The following FSTL5 variants were observed in gnomAD, a reference collection of about 807,000 sequenced individuals.
The protein encoded by FSTL5 is follistatin-related protein 5.
FSTL5 carries 62 observed loss-of-function variants against 89.1 expected under a neutral mutation model. That is an observed-to-expected ratio of 0.70 (90% CI 0.57 to 0.86). The LOEUF is 0.86. FSTL5 is among the 40% of genes least tolerant of loss of function. The pLI is 0.00. For synonymous variants in FSTL5, 383 were observed against 346.2 expected (o/e 1.11, Z -1.18); for missense variants, 1,057 against 1,001.6 (o/e 1.06, Z -0.75).
chr4:161,603,895 C>A (rs1221921852), intron 7 of FSTL5, among the ~76,000 whole-genome samples: 2 of 152,098 alleles, frequency 1.3e-5, no homozygotes, highest in Non-Finnish European at 1.5e-5. Context: ...CAGTACAATG[C>A]ATTTTTTACC....
At chr4:162,086,125 T>C (rs568847260) in intron 2 of FSTL5, among the ~76,000 whole-genome samples, 10 of 152,084 alleles carry the variant, frequency 6.6e-5, no homozygotes, top group Non-Finnish European at 1.5e-4. Context: ...TAATGTGTTT[T>C]TTAATCAGCC....
chr4:161,606,804 A>T (rs1734462056), intron 7 of FSTL5, among the ~76,000 whole-genome samples: 1 of 152,136 alleles, frequency 6.6e-6, no homozygotes, highest in Admixed American at 6.6e-5. Context: ...CAGCAATGGG[A>T]GACTGTGAAT....
At chr4:161,697,768 T>A (rs1407720809) in intron 6 of FSTL5, among the ~76,000 whole-genome samples, 2 of 152,212 alleles carry the variant, frequency 1.3e-5, no homozygotes, top group African/African-American at 4.8e-5. Context: ...AAATACCACA[T>A]GTTCTCACTC....
At chr4:161,522,947 T>C (rs1176025617) in intron 10 of FSTL5, among the ~76,000 whole-genome samples, 1 of 152,046 alleles carries the variant, frequency 6.6e-6, no homozygotes, top group African/African-American at 2.4e-5. Context: ...TATCCTCTAA[T>C]ACACTTGAGA....
chr4:162,050,930 T>A (rs1738357759), intron 2 of FSTL5, among the ~76,000 whole-genome samples: 1 of 151,524 alleles, frequency 6.6e-6, no homozygotes, highest in African/African-American at 2.4e-5. Context: ...ACAGTAAAAA[T>A]ATACATTGTA....
At chr4:161,687,974 G>A (rs763822381) in intron 6 of FSTL5, among the ~76,000 whole-genome samples, 6 of 152,234 alleles carry the variant, frequency 3.9e-5, no homozygotes, top group Non-Finnish European at 7.3e-5. Context: ...TGTAGACACA[G>A]TAAGAAGGCC....
chr4:161,942,231 G>A (rs1734608127), intron 3 of FSTL5, among the ~76,000 whole-genome samples: 1 of 150,872 alleles, frequency 6.6e-6, no homozygotes, highest in Non-Finnish European at 1.5e-5. Flanking sequence ...ACTAGAAAAA[G>A]CAAAACAAAA....
chr4:161,485,227 T>A (rs1360490730), intron 12 of FSTL5, among the ~76,000 whole-genome samples: 1 of 152,242 alleles, frequency 6.6e-6, no homozygotes, highest in Non-Finnish European at 1.5e-5. Flanking sequence ...ACCTTAATTA[T>A]CATTTTTGTC....
intron 2 of FSTL5, among the ~76,000 whole-genome samples, chr4:162,088,773 C>T (rs781080611): frequency 1.3e-5 from 2 of 152,206 alleles, no homozygotes; most frequent in Non-Finnish European, 2.9e-5. Flanking sequence ...TTCTCCAGAA[C>T]TATAAATGAG....
intron 4 of FSTL5, among the ~76,000 whole-genome samples, chr4:161,881,607 T>C (rs1732635972): frequency 6.6e-6 from 1 of 152,146 alleles, no homozygotes; most frequent in African/African-American, 2.4e-5. Flanking sequence ...GTCAGCATTG[T>C]CCTGATGCTC....
At chr4:161,705,954 A>AGATGTG (rs1560800183) in intron 6 of FSTL5, among the ~76,000 whole-genome samples, 20 of 27,328 alleles carry the variant, frequency 7.3e-4, no homozygotes, top group African/African-American at 3.3e-3. Context: ...AGATGTGTGT[A>AGATGTG]TATATATATA....
At chr4:161,840,205 C>T (rs1405702605) in intron 4 of FSTL5, among the ~76,000 whole-genome samples, 1 of 151,642 alleles carries the variant, frequency 6.6e-6, no homozygotes, top group African/African-American at 2.4e-5. Flanking sequence ...CATGTACTCT[C>T]GGGAGCACAA....
intron 13 of FSTL5, among the ~76,000 whole-genome samples, chr4:161,464,481 T>C (rs982713469): frequency 7.2e-5 from 11 of 152,312 alleles, no homozygotes; most frequent in Non-Finnish European, 1.6e-4. Context: ...CAAGCCCTCC[T>C]GTCCTTGCTC....
intron 4 of FSTL5, among the ~76,000 whole-genome samples, chr4:161,786,864 A>G (rs1360026070): frequency 6.6e-6 from 1 of 152,134 alleles, no homozygotes; most frequent in African/African-American, 2.4e-5. Context: ...CTTTTTTTCT[A>G]GAAGATTATA....
intron 2 of FSTL5, among the ~76,000 whole-genome samples, chr4:162,058,120 ATACATG>A (rs1460719038): frequency 2.6e-5 from 4 of 152,148 alleles, no homozygotes; most frequent in Non-Finnish European, 4.4e-5. Flanking sequence ...GGATAGTAAG[ATACATG>A]TACATGGTTA....
chr4:161,897,387 A>G (rs1480923021), intron 4 of FSTL5, among the ~76,000 whole-genome samples: 4 of 151,434 alleles, frequency 2.6e-5, no homozygotes, highest in Admixed American at 2.0e-4. Context: ...ACAACTTGTT[A>G]TATTTCACAA....
chr4:161,955,237 T>G (rs1734997296), intron 3 of FSTL5, among the ~76,000 whole-genome samples: 1 of 151,644 alleles, frequency 6.6e-6, no homozygotes, highest in Non-Finnish European at 1.5e-5. Context: ...ACATCCTTCT[T>G]TTCTCTTTAA....
At chr4:161,884,522 CA>C (rs1227786159) in intron 4 of FSTL5, among the ~76,000 whole-genome samples, 2 of 152,056 alleles carry the variant, frequency 1.3e-5, no homozygotes, top group African/African-American at 2.4e-5. Flanking sequence ...ACTACTCACA[CA>C]AAAAAATCTG....
At chr4:161,725,376 A>T (rs1164689220) in intron 6 of FSTL5, among the ~76,000 whole-genome samples, 1 of 152,118 alleles carries the variant, frequency 6.6e-6, no homozygotes, top group East Asian at 1.9e-4. Flanking sequence ...ATGAAAATCA[A>T]GTTTGAGAAT....
Sources: gnomAD v4.1 joint callset for allele counts (sites outside exome capture counted in the v4.1 genomes callset) on GRCh38, gnomAD v4.1.1 for gene constraint, MANE v1.5 for transcripts, NCBI Gene and HGNC (gene_info 2026-07-23, HGNC 2026-07-21) for gene names.